Variants in HYAL3 observed in about 807,000 individuals in gnomAD.
HYAL3 encodes the protein hyaluronidase-3.
HYAL3 carries 25 observed loss-of-function variants against 29.6 expected under a neutral mutation model. The observed-to-expected ratio is 0.85, with a 90% CI of 0.62 to 1.18. The LOEUF is 1.18. Ranked by LOEUF, HYAL3 falls within the 50% of genes most tolerant of loss-of-function variation. The pLI, the probability that HYAL3 is intolerant of heterozygous loss-of-function variation, is 0.00. For missense variants in HYAL3, 442 were observed against 548.4 expected (o/e 0.81, Z 1.94); for synonymous variants, 215 against 218.3 (o/e 0.99, Z 0.13).
At position 50,294,904 on chromosome 3, in the gene HYAL3, C is replaced by A; in HGVS notation, c.699G>T (p.Trp233Cys). The change falls in exon 2 of 4, where the codon TGG (tryptophan) becomes TGT (cysteine). Residue 233 changes from tryptophan (W) to cysteine (C), a missense_variant. By Grantham distance (215) the Trp-to-Cys change is radical. Coordinates refer to ENST00000336307, the MANE Select transcript of HYAL3 (RefSeq NM_003549.4). ...AGAGGGCACTGGAGGCGGCCCAGAGCCAATGCAGTTGAGTGTTGCGGGCAA... is the reference window on the plus strand; with the variant it reads ...AGAGGGCACTGGAGGCGGCCCAGAGACAATGCAGTTGAGTGTTGCGGGCAA... ...ATLARNTQLH[W>C]LWAASSALFP... The A allele has an allele frequency of 6.3e-7, 1 of 1,583,822 alleles. No homozygotes were observed. Among genetic ancestry groups the A allele is most frequent in the South Asian group, 1.1e-5 (1 of 88,232 alleles).
chr3:50,292,840 A>G lies in HYAL3; in HGVS notation c.*406T>C. ...AACAGCCAAACCTCAGGCAGTGGAAAAAAGTGACTTTATGATGAAAGAGTG... is the reference window on the plus strand; with the variant it reads ...AACAGCCAAACCTCAGGCAGTGGAAGAAAGTGACTTTATGATGAAAGAGTG... On this transcript the variant is annotated 3_prime_UTR_variant, in exon 4 of 4. Coordinates refer to ENST00000336307, the MANE Select transcript of HYAL3 (RefSeq NM_003549.4). 6.7e-7 allele frequency: 1 copy of G among 1,500,670 alleles called. No individual in the cohort carries two copies. The highest frequency in any genetic ancestry group is 8.9e-7 in the Non-Finnish European group (1 of 1,117,576). The allele number at this position is 1,500,670 out of a possible 1,614,324, so 93.0% of individuals were successfully genotyped here.
chr3:50,298,771 C>T, intron 1 of HYAL3: 3 of 1,059,786 alleles, frequency 2.8e-6, no homozygotes, highest in South Asian at 5.8e-5. Context: ...GTAACAGGCA[C>T]CCCCCTCCCC....
At position 50,297,911 on chromosome 3, in the gene HYAL3, C is replaced by G. The variant is rs1701918893; in HGVS notation, c.-18+1302G>C. The G allele has an allele frequency of 1.0e-6, 1 of 996,926 alleles. No individual in the cohort carries two copies. The highest frequency in any genetic ancestry group is 4.6e-5 in the South Asian group (1 of 21,602). The allele number at this position is 996,926 out of a possible 1,614,324, so 61.8% of individuals were successfully genotyped here. On this transcript the variant is annotated intron_variant, in intron 1 of 3. Transcript: ENST00000336307. This position sits in a 1 kb window ranked among gnomAD's most constrained non-coding sequence, Gnocchi z 4.3. Reference sequence around the variant, plus strand: ...AGGGAGGCTGGGAGTGATGGATGAGCTGCTTAAGGCTGGGGCAGAACCTAG... The same window carrying G: ...AGGGAGGCTGGGAGTGATGGATGAGGTGCTTAAGGCTGGGGCAGAACCTAG...
intron 1 of HYAL3, 139 bp downstream of exon 1, chr3:50,299,074 T>C: frequency 6.2e-7 from 1 of 1,605,172 alleles, no homozygotes; most frequent in Non-Finnish European, 8.5e-7. Context: ...AGAGCTCGAC[T>C]CTGTGGGCAG....
rs1553711959 is a variant in HYAL3 at position 50,299,393 on chromosome 3, C to T, written c.-198G>A. 2 of 1,405,534 alleles carry T rather than the reference C, an allele frequency of 1.4e-6. No individual in the cohort carries two copies. Among genetic ancestry groups the T allele is most frequent in the African/African-American group, 2.9e-5 (2 of 70,054 alleles). 87.1% of individuals were successfully genotyped at this position (1,405,534 alleles called of 1,614,324 possible). A position where few individuals can be genotyped will look rare whatever the true frequency, so the allele number is the denominator to read the frequency against. Reference sequence around the variant, plus strand: ...GTTCTAAGGCCTCCCAGCACCCGCGCGTCGCCGCTTAGAACCCGCCCCTGG... The same window carrying T: ...GTTCTAAGGCCTCCCAGCACCCGCGTGTCGCCGCTTAGAACCCGCCCCTGG... On this transcript the variant is annotated 5_prime_UTR_variant, in exon 1 of 4. Coordinates refer to ENST00000336307, the MANE Select transcript of HYAL3 (RefSeq NM_003549.4).
chr3:50,298,914 C>T (rs1469506845), intron 1 of HYAL3: 1 of 1,362,300 alleles, frequency 7.3e-7, no homozygotes, highest in Non-Finnish European at 9.5e-7. Context: ...GGCTTCCCCG[C>T]GGCCTTAACC....
intron 1 of HYAL3, chr3:50,296,802 G>T: frequency 6.3e-7 from 1 of 1,581,972 alleles, no homozygotes; most frequent in Non-Finnish European, 8.6e-7. Context: ...GGCCTTCCTG[G>T]GTGGCCGGGG....
intron 1 of HYAL3, chr3:50,296,459 G>A: frequency 1.1e-6 from 1 of 948,214 alleles, no homozygotes; most frequent in East Asian, 2.6e-5. Flanking sequence ...GCCACCTCCT[G>A]GCCCCACTGG....
rs782299613 is a variant in HYAL3 at position 50,297,434 on chromosome 3, A to G, written c.-18+1779T>C. 6.2e-7 allele frequency: 1 copy of G among 1,611,752 alleles called. No homozygotes were observed. Among genetic ancestry groups the G allele is most frequent in the African/African-American group, 1.3e-5 (1 of 74,894 alleles). On this transcript the variant is annotated intron_variant, in intron 1 of 3. Coordinates refer to ENST00000336307, the MANE Select transcript of HYAL3 (RefSeq NM_003549.4). This position sits in a 1 kb window ranked among gnomAD's most constrained non-coding sequence, Gnocchi z 4.3. ...GGCACGCAGGATCCAGAGTCAGCTC[A>G]GCTGGGCTGGTACTCAGGATCAGCT... is the stretch of plus-strand genomic sequence containing the variant.
intron 1 of HYAL3, chr3:50,298,930 A>G (rs587727890): frequency 1.4e-6 from 2 of 1,395,710 alleles, no homozygotes; most frequent in South Asian, 1.5e-5. Context: ...TAACCCCTTC[A>G]GTGCCGACCC....
intron 2 of HYAL3, among the ~76,000 whole-genome samples, chr3:50,294,326 T>A (rs1701761014): frequency 6.6e-6 from 1 of 151,974 alleles, no homozygotes; most frequent in Admixed American, 6.6e-5. Context: ...GAGGTTGGGG[T>A]CTCACTATGT....
chr3:50,293,495 A>G lies in HYAL3; in HGVS notation c.1005T>C (p.His335=). 1 of 1,613,066 alleles carries G rather than the reference A, an allele frequency of 6.2e-7. No individual in the cohort carries two copies. The highest frequency in any genetic ancestry group is 8.5e-7 in the Non-Finnish European group (1 of 1,179,344). ...GGCCCAAGGTGTCCACCAGGTAGTC[A>G]TGGAGATGCCAGCACTCCTCCTGAG... ...SSSEEECWHL[H]DYLVDTLGPY... is the part of the protein sequence containing the mutation. Residue 335 remains histidine, a synonymous_variant, in exon 4 of 4, where the codon CAT becomes CAC. Coordinates refer to ENST00000336307, the MANE Select transcript of HYAL3 (RefSeq NM_003549.4).
At chr3:50,295,961 CAAG>C (rs1701826363) in intron 1 of HYAL3, among the ~76,000 whole-genome samples, 1 of 152,170 alleles carries the variant, frequency 6.6e-6, no homozygotes, top group South Asian at 2.1e-4. Flanking sequence ...TTCCCTCTTC[CAAG>C]AACAGTCAGC....
At chr3:50,298,281 C>T (rs1553711733) in intron 1 of HYAL3, among the ~76,000 whole-genome samples, 1 of 152,120 alleles carries the variant, frequency 6.6e-6, no homozygotes, top group Non-Finnish European at 1.5e-5. Context: ...GGGCCCCACT[C>T]ATGCACCCAT....
chr3:50,293,028 G>A lies in HYAL3; in HGVS notation c.*218C>T, dbSNP rs1701717258. 1 of 1,487,356 alleles carries A rather than the reference G, an allele frequency of 6.7e-7. No individual in the cohort carries two copies. Among genetic ancestry groups the A allele is most frequent in the South Asian group, 1.1e-5 (1 of 87,656 alleles). 92.1% of individuals were successfully genotyped at this position (1,487,356 alleles called of 1,614,324 possible). Reference sequence around the variant, plus strand: ...CTGGAACCTGACTCTCCCTGGAACTGCTTCCTTGCCATGGAGGACTCACAT... The same window carrying A: ...CTGGAACCTGACTCTCCCTGGAACTACTTCCTTGCCATGGAGGACTCACAT... On this transcript the variant is annotated 3_prime_UTR_variant, in exon 4 of 4. Coordinates refer to ENST00000336307, the MANE Select transcript of HYAL3 (RefSeq NM_003549.4).
intron 1 of HYAL3, chr3:50,298,744 CA>C (rs1340350537): frequency 5.9e-6 from 6 of 1,018,654 alleles, no homozygotes; most frequent in Admixed American, 5.3e-5. Flanking sequence ...AGCTTGAGGC[CA>C]ATTAAACACT....
At position 50,298,922 on chromosome 3, in the gene HYAL3, A is replaced by AC. The variant is rs1250134668; in HGVS notation, c.-18+290dup. 7.2e-6 allele frequency: 10 copies of AC among 1,386,486 alleles called. No individual in the cohort carries two copies. The Admixed American group carries it at 2.4e-4, about 33-fold the overall frequency. 85.9% of individuals were successfully genotyped at this position (1,386,486 alleles called of 1,614,324 possible). A position where few individuals can be genotyped will look rare whatever the true frequency, so the allele number is the denominator to read the frequency against. On this transcript the variant is annotated intron_variant, in intron 1 of 3. Coordinates refer to ENST00000336307, the MANE Select transcript of HYAL3 (RefSeq NM_003549.4). ...AGCCCGGGGCTTCCCCGCGGCCTTA[A>AC]CCCCTTCAGTGCCGACCCCACCCAC...
rs1553711605 is a variant in HYAL3, at chr3:50,297,538, G to A, written c.-18+1675C>T. The stretch of plus-strand genomic sequence containing the variant: ...AGAGTCAGCTCTTGCCTATGCACAG[G>A]ATCCAGGTTCAGCTGAGTCAGGCTG... On this transcript the variant is annotated intron_variant, in intron 1 of 3. Coordinates refer to ENST00000336307, the MANE Select transcript of HYAL3 (RefSeq NM_003549.4). The surrounding 1 kb of genome is among the most constrained non-coding windows in gnomAD (Gnocchi z 4.3). The A allele has an allele frequency of 6.6e-7, 1 of 1,511,616 alleles. No individual in the cohort carries two copies. The highest frequency in any genetic ancestry group is 2.3e-5 in the East Asian group (1 of 42,712). The allele number at this position is 1,511,616 out of a possible 1,614,324, so 93.6% of individuals were successfully genotyped here. A position where few individuals can be genotyped will look rare whatever the true frequency, so the allele number is the denominator to read the frequency against.
chr3:50,295,236 G>C lies in HYAL3; in HGVS notation c.367C>G (p.Pro123Ala). 1.2e-6 allele frequency: 2 copies of C among 1,613,802 alleles called. No individual in the cohort carries two copies. Among genetic ancestry groups the C allele is most frequent in the Non-Finnish European group, 1.7e-6 (2 of 1,180,012 alleles). The change falls in exon 2 of 4, where the codon CCA (proline) becomes GCA (alanine). Residue 123 changes from proline to alanine, a missense_variant. By Grantham distance (27) the Pro-to-Ala change is conservative. Transcript: ENST00000336307. The stretch of plus-strand genomic sequence containing the variant: ...CACTCCTCCCAATCCAGCACTGCTG[G>C]GCCAGCAAAGCCAGGTCTCAGGCTG... ...HHSLRPGFAGPAVLDWEEWCP... is the reference protein window; with the variant it reads ...HHSLRPGFAGAAVLDWEEWCP...
Sources: allele counts gnomAD v4.1 joint callset (sites outside exome capture counted in the v4.1 genomes callset), GRCh38; gene constraint gnomAD v4.1.1; non-coding constraint Gnocchi (gnomAD v3.1); transcripts MANE v1.5; gene names NCBI Gene and HGNC (gene_info 2026-07-23, HGNC 2026-07-21).